The following INO80 variants were observed in gnomAD, a reference collection of about 807,000 sequenced individuals.
INO80 encodes the protein chromatin-remodeling ATPase INO80.
A neutral mutation model predicts 203.4 loss-of-function variants in INO80; 20 were observed. The ratio of observed to expected loss-of-function variants is 0.10; its 90% confidence interval spans 0.07 to 0.14. The LOEUF is 0.14. INO80 is among the 10% of genes least tolerant of loss of function. The probability of loss-of-function intolerance (pLI) is 1.00; values close to 1 mark genes in which losing one functional copy is unlikely to be tolerated. For missense variants in INO80, 1,419 were observed against 1,914.4 expected (o/e 0.74, Z 4.83); for synonymous variants, 726 against 685.2 (o/e 1.06, Z -0.93).
In INO80 at chr15:41,048,268, C is replaced by A. The variant is rs1213488771; in HGVS notation, c.2585G>T (p.Arg862Met). 6.2e-7 allele frequency: 1 copy of A among 1,611,614 alleles called. No individual in the cohort carries two copies. The highest frequency in any genetic ancestry group is 8.5e-7 in the Non-Finnish European group (1 of 1,178,120). Residue 862 changes from arginine (R) to methionine (M), a missense_variant, in exon 22 of 36, where the codon AGG becomes ATG. Arg to Met is a moderately conservative substitution (Grantham distance 91, BLOSUM62 -1). This residue lies in a region of INO80 where 302 missense variants were observed against 345.4 expected (regional missense o/e 0.87). Coordinates refer to ENST00000648947, the MANE Select transcript of INO80 (RefSeq NM_017553.3). The stretch of plus-strand genomic sequence containing the variant: ...GTCTGGTGCAAATGGAGAAAGAACC[C>A]TTAACCACCTGCAAAGTAAGTAAAT... ...VFNHSRDRWL[R>M]VLSPFAPDYI...
intron 14 of INO80, 168 bp downstream of exon 14, chr15:41,069,402 C>A (rs564399063): frequency 1.8e-4 from 85 of 472,038 alleles, no homozygotes; most frequent in South Asian, 1.3e-3. Context: ...GACTTCCTGA[C>A]CTCGTGATCC....
intron 32 of INO80, 73 bp downstream of exon 32, chr15:40,985,265 T>G (rs1893977740): frequency 9.7e-7 from 1 of 1,033,772 alleles, no homozygotes; most frequent in African/African-American, 1.6e-5. Context: ...TGAGAAGCCA[T>G]GTACCCCAAA....
At chr15:41,071,093 C>T (rs1343447616) in intron 12 of INO80, among the ~76,000 whole-genome samples, 2 of 152,110 alleles carry the variant, frequency 1.3e-5, no homozygotes, top group African/African-American at 4.8e-5. Context: ...CACTTGAGCC[C>T]AGGAGTTTAA....
In INO80 at chr15:41,019,846, G is replaced by A. The variant is rs141675726; in HGVS notation, c.3274+1054C>T. On this transcript the variant is annotated intron_variant, in intron 26 of 35. Transcript: ENST00000648947. ...GTGGAAAAACCAGGCCTTACACACT[G>A]GAATCCAGTTATCTCTTAGAGACAG... 7.2e-3 allele frequency among the ~76,000 whole-genome samples: 1,099 copies of A among 152,292 alleles called. 4 individuals carry two copies. The highest frequency in any genetic ancestry group is 0.012 in the Non-Finnish European group (807 of 68,014).
In INO80 at chr15:41,056,602, TGACCTG is replaced by T. The variant is rs1215089324; in HGVS notation, c.2070+14_2070+19del. The T allele has an allele frequency of 6.4e-7, 1 of 1,574,360 alleles. No homozygotes were observed. The highest frequency in any genetic ancestry group is 1.1e-5 in the South Asian group (1 of 90,102). On this transcript the variant is annotated intron_variant, in intron 17 of 35. Coordinates refer to ENST00000648947, the MANE Select transcript of INO80 (RefSeq NM_017553.3). Reference sequence around the variant, plus strand: ...TCTGTTTTATGAAGATATAAACCTGTGACCTGGACTAGTGCCTACCTCTGCCATGGT... The same window carrying T: ...TCTGTTTTATGAAGATATAAACCTGTGACTAGTGCCTACCTCTGCCATGGT...
intron 24 of INO80, among the ~76,000 whole-genome samples, chr15:41,032,522 AG>A (rs757207799): frequency 5.3e-5 from 8 of 152,208 alleles, no homozygotes; most frequent in African/African-American, 9.6e-5. Context: ...ACTAACATTT[AG>A]TGGAAGAGTT....
At chr15:40,982,718 T>C in intron 35 of INO80, 144 bp downstream of exon 35, 2 of 656,210 alleles carry the variant, frequency 3.0e-6, no homozygotes, top group Non-Finnish European at 5.3e-6. Context: ...CAACAGTGCT[T>C]ATTACAAAGA....
intron 1 of INO80, among the ~76,000 whole-genome samples, chr15:41,109,382 C>T (rs1395706274): frequency 6.6e-6 from 1 of 151,894 alleles, no homozygotes; most frequent in African/African-American, 2.4e-5. Flanking sequence ...ACCCGGGAGG[C>T]GGAGGTTGCA....
intron 1 of INO80, among the ~76,000 whole-genome samples, chr15:41,103,749 A>ATT (rs1344221934): frequency 6.6e-6 from 1 of 152,110 alleles, no homozygotes; most frequent in African/African-American, 2.4e-5. Flanking sequence ...AACTCAATAA[A>ATT]ATCTAAATTC....
chr15:40,988,332 G>C (rs895957222), intron 29 of INO80, among the ~76,000 whole-genome samples: 5 of 152,046 alleles, frequency 3.3e-5, no homozygotes, highest in African/African-American at 1.2e-4. Context: ...TGTTATTTGT[G>C]CTGAGAAAAA....
intron 25 of INO80, among the ~76,000 whole-genome samples, chr15:41,026,672 A>G (rs990154727): frequency 5.3e-5 from 8 of 152,212 alleles, no homozygotes; most frequent in African/African-American, 1.9e-4. Context: ...TCAACCTCTT[A>G]GAGCTTCCTG....
At position 41,065,087 on chromosome 15, in the gene INO80, A is replaced by G. The variant is rs3866933; in HGVS notation, c.1782+4483T>C. ...TGTATGTCACATTCTATGAAAGTTT[A>G]TTTTTTTATCAATAATTTTAAAAAG... On this transcript the variant is annotated intron_variant, in intron 14 of 35. Transcript: ENST00000648947. Among the ~76,000 whole-genome samples, 1,260 of 152,174 alleles carry G rather than the reference A, an allele frequency of 8.3e-3. 22 individuals carry two copies. Among genetic ancestry groups the G allele is most frequent in the African/African-American group, 0.027 (1,137 of 41,532 alleles).
chr15:40,982,919 C>T lies in INO80; in HGVS notation c.4396G>A (p.Gly1466Arg). The T allele has an allele frequency of 6.2e-7, 1 of 1,614,094 alleles. No individual in the cohort carries two copies. The highest frequency in any genetic ancestry group is 8.5e-7 in the Non-Finnish European group (1 of 1,180,042). The part of the protein sequence containing the change: ...SAAAMAGAKA[G>R]AAAASAAAYA... Reference sequence around the variant, plus strand: ...GCAGCTGCAGAGGCCGCTGCAGCCCCGGCTTTGGCTCCTGCCATTGCAGCA... The same window carrying T: ...GCAGCTGCAGAGGCCGCTGCAGCCCTGGCTTTGGCTCCTGCCATTGCAGCA... Residue 1466 changes from glycine to arginine, a missense_variant, in exon 35 of 36, where the codon GGG becomes AGG. This residue lies in a region of INO80 where 8 missense variants were observed against 25.0 expected (regional missense o/e 0.32). Coordinates refer to ENST00000648947, the MANE Select transcript of INO80 (RefSeq NM_017553.3).
intron 19 of INO80, among the ~76,000 whole-genome samples, chr15:41,050,448 A>G (rs997540227): frequency 2.0e-5 from 3 of 152,348 alleles, no homozygotes; most frequent in African/African-American, 7.2e-5. Context: ...CTCAGTCTGC[A>G]GCAATGGCAT....
chr15:41,042,048 C>A (rs867046828), intron 24 of INO80, among the ~76,000 whole-genome samples: 4 of 145,582 alleles, frequency 2.7e-5, no homozygotes, highest in African/African-American at 1.0e-4. Flanking sequence ...GAATCTTGCT[C>A]TGTTGCCCAG....
intron 25 of INO80, 21 bp from the exon 26 acceptor site, chr15:41,021,146 G>A (rs1026986730): frequency 6.5e-7 from 1 of 1,549,020 alleles, no homozygotes; most frequent in African/African-American, 1.4e-5. Context: ...AGATTCACAT[G>A]AGATGGCTCT....
At chr15:41,019,189 C>T (rs565546399) in intron 26 of INO80, among the ~76,000 whole-genome samples, 1 of 152,206 alleles carries the variant, frequency 6.6e-6, no homozygotes, top group East Asian at 1.9e-4. Context: ...AGGTGTGAAA[C>T]CCAGAAGATT....
chr15:41,051,698 T>C (rs772959826), intron 19 of INO80, among the ~76,000 whole-genome samples: 5 of 151,994 alleles, frequency 3.3e-5, no homozygotes, highest in South Asian at 2.1e-4. Flanking sequence ...CTCATGCCTA[T>C]AATCCCAGCA....
Position 41,073,462 on chromosome 15 carries a change from T to C in INO80, c.1361A>G (p.Asn454Ser). Reference sequence around the variant, plus strand: ...GTGAATATGGTAAGCATTTTCAGCATTCTTCAGGGCCTGGGCTTTAAAATG... The same window carrying C: ...GTGAATATGGTAAGCATTTTCAGCACTCTTCAGGGCCTGGGCTTTAAAATG... ...SNHFKAQALK[N>S]AENAYHIHQA... Residue 454 changes from asparagine (N) to serine (S), a missense_variant, in exon 11 of 36, where the codon AAT becomes AGT. Coordinates refer to ENST00000648947, the MANE Select transcript of INO80 (RefSeq NM_017553.3). 1.2e-6 allele frequency: 2 copies of C among 1,614,172 alleles called. No individual in the cohort carries two copies. Among genetic ancestry groups the C allele is most frequent in the Non-Finnish European group, 1.7e-6 (2 of 1,180,006 alleles).
Sources: allele counts gnomAD v4.1 joint callset (sites outside exome capture counted in the v4.1 genomes callset), GRCh38; gene constraint gnomAD v4.1.1; regional missense constraint gnomAD v4.1.1; transcripts MANE v1.5; gene names NCBI Gene and HGNC (gene_info 2026-07-23, HGNC 2026-07-21).